Variants in SMYD4 observed in about 807,000 individuals in gnomAD.
SMYD4 encodes the protein SET and MYND domain containing 4.
A neutral mutation model predicts 72.8 loss-of-function variants in SMYD4; 68 were observed. The ratio of observed to expected loss-of-function variants is 0.93; its 90% CI spans 0.77 to 1.14. The LOEUF (loss-of-function observed/expected upper bound fraction) is 1.14. Ranked by LOEUF, SMYD4 falls within the 50% of genes most tolerant of loss-of-function variation. SMYD4 has a pLI of 0.00. For synonymous variants in SMYD4, 407 were observed against 388.6 expected, an observed-to-expected ratio of 1.05 and a Z score of -0.56; for missense variants, 984 against 1,003.7, an observed-to-expected ratio of 0.98 and a Z score of 0.27.
chr17:1,790,659 G>A (rs1908969954), intron 5 of SMYD4, among the ~76,000 whole-genome samples: 1 of 151,914 alleles, frequency 6.6e-6, no homozygotes, highest in Non-Finnish European at 1.5e-5. Context: ...TGGGATTACA[G>A]GCGCCCATCA....
chr17:1,796,136 TTC>T (rs1909393597), intron 5 of SMYD4, among the ~76,000 whole-genome samples: 1 of 151,990 alleles, frequency 6.6e-6, no homozygotes, highest in Non-Finnish European at 1.5e-5. Flanking sequence ...GCATGTATTT[TTC>T]TTTTTTCTTT....
intron 2 of SMYD4, among the ~76,000 whole-genome samples, chr17:1,826,445 CTG>C (rs1308092748): frequency 7.1e-6 from 1 of 140,534 alleles, no homozygotes; most frequent in African/African-American, 2.6e-5. Flanking sequence ...TGAGCCAAGA[CTG>C]TGCCACTGCA....
intron 10 of SMYD4, 183 bp downstream of exon 10, chr17:1,782,852 C>T (rs1908437614): frequency 7.7e-6 from 7 of 911,472 alleles, no homozygotes; most frequent in Non-Finnish European, 1.1e-5. Context: ...CTGCAAGCTC[C>T]GCCTCCCAGG....
intron 2 of SMYD4, among the ~76,000 whole-genome samples, chr17:1,826,835 C>T (rs1567791730): frequency 6.6e-6 from 1 of 152,094 alleles, no homozygotes; most frequent in Non-Finnish European, 1.5e-5. Context: ...TATTTTTTGA[C>T]ACTGCACTAT....
At chr17:1,785,117 A>G (rs1422618031) in intron 7 of SMYD4, among the ~76,000 whole-genome samples, 3 of 149,716 alleles carry the variant, frequency 2.0e-5, no homozygotes, top group Non-Finnish European at 3.0e-5. Context: ...TAGTTATGAA[A>G]AAGTCCTCAG....
At chr17:1,827,817 A>AT (rs1197280236) in intron 2 of SMYD4, 44 bp downstream of exon 2, 6 of 1,574,000 alleles carry the variant, frequency 3.8e-6, no homozygotes, top group South Asian at 1.1e-5. Flanking sequence ...AAAATAGAAC[A>AT]TTTTTTGGCT....
chr17:1,811,859 G>A lies in SMYD4; in HGVS notation c.279+112C>T, dbSNP rs573423665. ...GGAGGATCGCTTGAACCCAGGAGGC[G>A]AATGTTGCAGTGAGCTGAGATTATA... is the stretch of plus-strand genomic sequence containing the variant. On this transcript the variant is annotated intron_variant, in intron 3 of 10. Transcript: ENST00000305513. The A allele has an allele frequency of 3.5e-5, 42 of 1,194,514 alleles. No individual in the cohort carries two copies. The East Asian group carries it at 7.9e-4, about 23-fold the overall frequency. The allele number at this position is 1,194,514 out of a possible 1,614,324, so 74.0% of individuals were successfully genotyped here.
chr17:1,817,363 G>T (rs1348235938), intron 2 of SMYD4, among the ~76,000 whole-genome samples: 1 of 151,806 alleles, frequency 6.6e-6, no homozygotes, highest in East Asian at 1.9e-4. Flanking sequence ...TTGAGACAAG[G>T]TCTTGCTCTG....
chr17:1,827,803 T>C (rs1397016610), intron 2 of SMYD4, 58 bp downstream of exon 2: 3 of 1,566,788 alleles, frequency 1.9e-6, no homozygotes, highest in South Asian at 2.3e-5. Flanking sequence ...TCAGAGCAAA[T>C]GACAAAATAG....
chr17:1,814,369 T>C (rs1266555350), intron 2 of SMYD4, among the ~76,000 whole-genome samples: 1 of 152,182 alleles, frequency 6.6e-6, no homozygotes, highest in Non-Finnish European at 1.5e-5. Flanking sequence ...AAAATTTTTG[T>C]TTACAAAGAC....
intron 3 of SMYD4, among the ~76,000 whole-genome samples, chr17:1,805,848 ATATATG>A (rs1448746063): frequency 1.3e-5 from 2 of 150,298 alleles, no homozygotes; most frequent in Non-Finnish European, 1.5e-5. Context: ...TAATATATAT[ATATATG>A]TATAAGTAGG....
rs113285555 is a variant in SMYD4 at position 1,819,349 on chromosome 17, T to C, written c.135-7234A>G. On this transcript the variant is annotated intron_variant, in intron 2 of 10. Coordinates refer to ENST00000305513, the MANE Select transcript of SMYD4 (RefSeq NM_052928.3). ...TCCAGCCTGGGAGACAGAGAGAGAC[T>C]ACGTCTCAGAACAAACAAACAAACA... Among the ~76,000 whole-genome samples, 739 of 152,240 alleles carry C rather than the reference T, an allele frequency of 4.9e-3. 5 individuals are homozygous for C. Among genetic ancestry groups the C allele is most frequent in the African/African-American group, 0.017 (709 of 41,552 alleles).
At chr17:1,817,966 G>A (rs986267148) in intron 2 of SMYD4, among the ~76,000 whole-genome samples, 1 of 147,468 alleles carries the variant, frequency 6.8e-6, no homozygotes, top group Admixed American at 6.9e-5. Flanking sequence ...AGAATGGCGT[G>A]AACCCGGGAG....
intron 2 of SMYD4, among the ~76,000 whole-genome samples, chr17:1,818,735 C>G (rs1201852074): frequency 1.3e-5 from 2 of 152,002 alleles, no homozygotes; most frequent in Non-Finnish European, 2.9e-5. Context: ...CCTCTGCTCA[C>G]TGCAACCTCT....
chr17:1,828,177 C>T lies in SMYD4; in HGVS notation c.-12-171G>A, dbSNP rs557605806. Among the ~76,000 whole-genome samples, 5 of 152,092 alleles carry T rather than the reference C, an allele frequency of 3.3e-5. No homozygotes were observed. The South Asian group carries it at 6.2e-4, about 19-fold the overall frequency. On this transcript the variant is annotated intron_variant, in intron 1 of 10. Transcript: ENST00000305513. ...CATCCTGGCTAACACAGTGAAACCC[C>T]GTCTCTACTAAAACTACAAAAAAAT... is the stretch of plus-strand genomic sequence containing the variant.
At position 1,780,111 on chromosome 17, in the gene SMYD4, G is replaced by A. The variant is rs531188302; in HGVS notation, c.*1175C>T. ...ATTTCAAAAAATATTCACCAAAATA[G>A]GTGTCTCTCTGACTGCAACGGTTTG... On this transcript the variant is annotated 3_prime_UTR_variant, in exon 11 of 11. Coordinates refer to ENST00000305513, the MANE Select transcript of SMYD4 (RefSeq NM_052928.3). The A allele has an allele frequency of 6.6e-5, 10 of 152,200 alleles. No individual in the cohort carries two copies. Among genetic ancestry groups the A allele is most frequent in the Non-Finnish European group, 1.3e-4 (9 of 68,036 alleles). The allele number at this position is 152,200 out of a possible 1,614,324, so 9.4% of individuals were successfully genotyped here. A position where few individuals can be genotyped will look rare whatever the true frequency, so the allele number is the denominator to read the frequency against.
At chr17:1,790,360 G>A (rs574641036) in intron 5 of SMYD4, among the ~76,000 whole-genome samples, 1 of 152,238 alleles carries the variant, frequency 6.6e-6, no homozygotes, top group Non-Finnish European at 1.5e-5. Flanking sequence ...AAATTACTCA[G>A]TATTGTGCAT....
At chr17:1,807,438 C>A (rs1190980096) in intron 3 of SMYD4, among the ~76,000 whole-genome samples, 2 of 151,920 alleles carry the variant, frequency 1.3e-5, no homozygotes, top group East Asian at 1.9e-4. Flanking sequence ...GCCCCCACAC[C>A]GGCAACCCCG....
chr17:1,781,322 CAACA>C lies in SMYD4; in HGVS notation c.2375_2378del (p.Leu792TrpfsTer8), dbSNP rs766360160. 1 of 1,613,788 alleles carries C rather than the reference CAACA, an allele frequency of 6.2e-7. No individual in the cohort carries two copies. The highest frequency in any genetic ancestry group is 8.5e-7 in the Non-Finnish European group (1 of 1,180,022). ...GCCCTACAGGGGTGGGTGGTAAGTCCAACAAACAGGATTTCATCTTCTGGAGCTC... is the reference window on the plus strand; with the variant it reads ...GCCCTACAGGGGTGGGTGGTAAGTCCAACAGGATTTCATCTTCTGGAGCTC... On this transcript the variant is annotated frameshift_variant, in exon 11 of 11. Coordinates refer to ENST00000305513, the MANE Select transcript of SMYD4 (RefSeq NM_052928.3). LOFTEE classifies it high-confidence loss of function.
Sources: allele counts gnomAD v4.1 joint callset (sites outside exome capture counted in the v4.1 genomes callset), GRCh38; gene constraint gnomAD v4.1.1; transcripts MANE v1.5; gene names NCBI Gene and HGNC (gene_info 2026-07-23, HGNC 2026-07-21).